The following CACNA2D3 variants were observed in gnomAD, a reference collection of about 807,000 sequenced individuals.
CACNA2D3 encodes voltage-dependent calcium channel subunit alpha-2/delta-3.
A neutral mutation model predicts 160.6 loss-of-function variants in CACNA2D3; 60 were observed. The observed-to-expected ratio is 0.37, with a 90% confidence interval of 0.30 to 0.46. The LOEUF (loss-of-function observed/expected upper bound fraction) is 0.46, where lower values mean the gene tolerates loss of function less well. Ranked by LOEUF, CACNA2D3 falls within the 20% of genes least tolerant of loss-of-function variation. The pLI is 1.00. For synonymous variants in CACNA2D3, 558 were observed against 492.9 expected (o/e 1.13, Z -1.75); for missense variants, 1,205 against 1,365.0 (o/e 0.88, Z 1.85).
chr3:55,073,581 C>T (rs766335363), intron 36 of CACNA2D3, 24 bp downstream of exon 36: 2 of 1,569,002 alleles, frequency 1.3e-6, no homozygotes, highest in Non-Finnish European at 1.8e-6. Flanking sequence ...TGCAGGTCCA[C>T]TCACTACCAC....
intron 2 of CACNA2D3, among the ~76,000 whole-genome samples, chr3:54,149,908 TCTCTCTCTCTCTCTCTCTCTCTCC>T (rs1292996981): frequency 7.2e-4 from 65 of 90,758 alleles, no homozygotes; most frequent in Non-Finnish European, 1.3e-3. Context: ...TCTCTCTCTC[TCTCTCTCTCTCTCTCTCTCTCTCC>T]CTCCCTCCCT....
At chr3:54,414,236 G>A (rs1575442464) in intron 4 of CACNA2D3, among the ~76,000 whole-genome samples, 1 of 151,874 alleles carries the variant, frequency 6.6e-6, no homozygotes, top group East Asian at 1.9e-4. Flanking sequence ...ACTACACAAG[G>A]CCATCTTCTA....
At chr3:54,624,131 C>T (rs76363692) in intron 9 of CACNA2D3, among the ~76,000 whole-genome samples, 4,097 of 152,206 alleles carry the variant, frequency 0.027, 177 homozygotes, top group African/African-American at 0.093. Context: ...TTCTGTCTAA[C>T]ATATGGACCA....
intron 13 of CACNA2D3, among the ~76,000 whole-genome samples, chr3:54,791,730 T>C (rs1003105570): frequency 2.6e-5 from 4 of 152,194 alleles, no homozygotes; most frequent in African/African-American, 9.7e-5. Flanking sequence ...GTCTCAAAAG[T>C]AACCAGATTT....
At chr3:54,259,779 C>G (rs571321104) in intron 2 of CACNA2D3, among the ~76,000 whole-genome samples, 1 of 152,306 alleles carries the variant, frequency 6.6e-6, no homozygotes, top group Non-Finnish European at 1.5e-5. Context: ...GAAACAGAAG[C>G]CTGCCAATGC....
chr3:54,997,282 C>T (rs1458063116), intron 31 of CACNA2D3, among the ~76,000 whole-genome samples: 1 of 152,138 alleles, frequency 6.6e-6, no homozygotes, highest in African/African-American at 2.4e-5. Context: ...ATATCACATT[C>T]TAAAATTCAT....
At chr3:54,488,758 G>T (rs1045767107) in intron 4 of CACNA2D3, among the ~76,000 whole-genome samples, 2 of 152,170 alleles carry the variant, frequency 1.3e-5, no homozygotes, top group East Asian at 3.9e-4. Context: ...AAACAGCTAT[G>T]CTTCCTCCAA....
At chr3:55,055,845 G>A (rs1575455412) in intron 35 of CACNA2D3, among the ~76,000 whole-genome samples, 2 of 151,992 alleles carry the variant, frequency 1.3e-5, no homozygotes, top group Admixed American at 6.5e-5. Context: ...GAATAGTTCA[G>A]TGTTAGTGTA....
intron 2 of CACNA2D3, among the ~76,000 whole-genome samples, chr3:54,150,600 G>C (rs1474115910): frequency 6.6e-6 from 1 of 152,036 alleles, no homozygotes; most frequent in Non-Finnish European, 1.5e-5. Context: ...TCAATAAATG[G>C]TAATGTCATT....
chr3:54,176,229 A>T (rs1310510990), intron 2 of CACNA2D3, among the ~76,000 whole-genome samples: 2 of 152,188 alleles, frequency 1.3e-5, no homozygotes, highest in Non-Finnish European at 2.9e-5. Context: ...ACATCCAACC[A>T]GATTATTGGC....
chr3:54,313,225 C>T (rs1010732928), intron 2 of CACNA2D3, among the ~76,000 whole-genome samples: 2 of 152,022 alleles, frequency 1.3e-5, no homozygotes, highest in African/African-American at 4.8e-5. Context: ...TTAAAGTGAC[C>T]CAGCCAGCTG....
At chr3:54,504,523 C>A (rs550694457) in intron 5 of CACNA2D3, among the ~76,000 whole-genome samples, 42 of 152,308 alleles carry the variant, frequency 2.8e-4, no homozygotes, top group Non-Finnish European at 2.9e-5. Context: ...TTGTTTTCAG[C>A]ATCTTTATCC....
chr3:54,413,876 C>T (rs367920928), intron 4 of CACNA2D3, among the ~76,000 whole-genome samples: 1 of 146,032 alleles, frequency 6.8e-6, no homozygotes, highest in East Asian at 2.0e-4. Context: ...CCATCTGGTT[C>T]CTTTCTGTTT....
chr3:54,498,376 T>A (rs1316069208), intron 4 of CACNA2D3, among the ~76,000 whole-genome samples: 1 of 152,006 alleles, frequency 6.6e-6, no homozygotes, highest in Non-Finnish European at 1.5e-5. Flanking sequence ...GGCATAAAGT[T>A]GTTTGTAATA....
chr3:54,535,147 G>A (rs957393756), intron 5 of CACNA2D3, among the ~76,000 whole-genome samples: 4 of 152,072 alleles, frequency 2.6e-5, no homozygotes, highest in Non-Finnish European at 4.4e-5. Context: ...ACATATCGTG[G>A]TCCCAAAACA....
At chr3:54,714,340 G>T (rs935100182) in intron 11 of CACNA2D3, among the ~76,000 whole-genome samples, 3 of 152,178 alleles carry the variant, frequency 2.0e-5, no homozygotes, top group African/African-American at 7.2e-5. Context: ...TATGGAGCAC[G>T]TTGTACCTCT....
chr3:54,357,387 A>G (rs540932875), intron 3 of CACNA2D3, among the ~76,000 whole-genome samples: 51 of 152,324 alleles, frequency 3.3e-4, no homozygotes, highest in Admixed American at 5.2e-4. Context: ...GATCACATTC[A>G]CATCTTTTAT....
intron 14 of CACNA2D3, among the ~76,000 whole-genome samples, chr3:54,823,018 C>G (rs1329617775): frequency 6.6e-6 from 1 of 151,652 alleles, no homozygotes; most frequent in East Asian, 1.9e-4. Flanking sequence ...CCACACCCAG[C>G]TAATTTTTGT....
At chr3:54,892,528 C>G (rs1291066112) in intron 25 of CACNA2D3, among the ~76,000 whole-genome samples, 2 of 152,198 alleles carry the variant, frequency 1.3e-5, no homozygotes, top group Non-Finnish European at 2.9e-5. Context: ...TGTTCCAGGA[C>G]TTTGACCTTC....
Sources: allele counts gnomAD v4.1 joint callset (sites outside exome capture counted in the v4.1 genomes callset), GRCh38; gene constraint gnomAD v4.1.1; transcripts MANE v1.5; gene names NCBI Gene and HGNC (gene_info 2026-07-23, HGNC 2026-07-21).